Variants in ASPRV1 observed in about 807,000 individuals in gnomAD.
ASPRV1 encodes retroviral-like aspartic protease 1.
A neutral mutation model predicts 11.0 loss-of-function variants in ASPRV1; 7 were observed. The ratio of observed to expected loss-of-function variants is 0.64; its 90% confidence interval spans 0.36 to 1.20. The LOEUF (loss-of-function observed/expected upper bound fraction) is 1.20, where lower values mean the gene tolerates loss of function less well. Among genes scored for constraint, ASPRV1 ranks in the 50% most tolerant of loss-of-function variants. The probability of loss-of-function intolerance (pLI) is 0.02; values close to 1 mark genes in which losing one functional copy is unlikely to be tolerated. For missense variants in ASPRV1, 299 were observed against 320.0 expected (o/e 0.93, Z 0.50); for synonymous variants, 136 against 138.4 (o/e 0.98, Z 0.12).
At chr2:69,965,447 A>AC (rs1343086769), upstream of ASPRV1, among the ~76,000 whole-genome samples, 26 of 149,270 alleles carry the variant, frequency 1.7e-4, no homozygotes, top group South Asian at 1.3e-3. Flanking sequence ...GTGGGCTAAA[A>AC]AAAAAACAAA....
chr2:69,961,732 C>T (rs1678125909), upstream of ASPRV1: 6 of 1,513,218 alleles, frequency 4.0e-6, no homozygotes, highest in Middle Eastern at 2.5e-4. Flanking sequence ...CCCCGCCCTC[C>T]TGCCAGCATC....
At chr2:70,030,756 TAC>T in the ASPRV1 span, 1 of 152,088 alleles carries the variant, frequency 6.6e-6, no homozygotes, top group Admixed American at 6.6e-5. Flanking sequence ...GTGTATAAGA[TAC>T]AGAGGGGACA....
the ASPRV1 span, among the ~76,000 whole-genome samples, chr2:70,019,944 T>C: frequency 6.6e-6 from 1 of 152,156 alleles, no homozygotes; most frequent in Non-Finnish European, 1.5e-5. Flanking sequence ...TATGAGGCAA[T>C]GCATATGTTC....
the ASPRV1 span, among the ~76,000 whole-genome samples, chr2:69,977,736 T>G: frequency 2.0e-5 from 3 of 152,296 alleles, no homozygotes; most frequent in Non-Finnish European, 4.4e-5. Flanking sequence ...CAGCTAAGAT[T>G]TGGATACAGA....
chr2:69,933,518 C>T, the ASPRV1 span, among the ~76,000 whole-genome samples: 1 of 152,060 alleles, frequency 6.6e-6, no homozygotes, highest in Non-Finnish European at 1.5e-5. Context: ...ATAGTAAAGC[C>T]CTTGTGCTAT....
At chr2:69,958,056 C>A (rs901308261), downstream of ASPRV1, among the ~76,000 whole-genome samples, 4 of 152,194 alleles carry the variant, frequency 2.6e-5, no homozygotes, top group African/African-American at 9.6e-5. Flanking sequence ...AGACAGCAAG[C>A]CCTCTGTGGT....
the ASPRV1 span, among the ~76,000 whole-genome samples, chr2:69,933,210 A>C: frequency 1.3e-5 from 2 of 151,038 alleles, no homozygotes; most frequent in South Asian, 2.1e-4. Flanking sequence ...CAAAAAAAAA[A>C]AAAAAAAAAA....
the ASPRV1 span, among the ~76,000 whole-genome samples, chr2:70,069,694 A>G: frequency 1.3e-5 from 2 of 152,150 alleles, no homozygotes; most frequent in Non-Finnish European, 2.9e-5. Flanking sequence ...CTGTCTCACT[A>G]AAAAGTTTCT....
the ASPRV1 span, chr2:70,081,492 T>TC: frequency 7.5e-6 from 1 of 133,588 alleles, no homozygotes; most frequent in African/African-American, 3.6e-5. Context: ...AGACTCCATC[T>TC]TAAAAAAAAA....
At chr2:69,976,856 C>T in the ASPRV1 span, among the ~76,000 whole-genome samples, 1 of 152,048 alleles carries the variant, frequency 6.6e-6, no homozygotes, top group Non-Finnish European at 1.5e-5. Context: ...ACAGAGTGCC[C>T]CTGACAAAAC....
the ASPRV1 span, among the ~76,000 whole-genome samples, chr2:70,034,032 T>C: frequency 6.6e-6 from 1 of 151,288 alleles, no homozygotes; most frequent in East Asian, 2.0e-4. Context: ...TGGGCGCCTG[T>C]AGTCCCAGCT....
rs768942353 is a variant in ASPRV1 at position 69,960,737 on chromosome 2, A to G, written c.700T>C (p.Ser234Pro). 1 of 1,613,666 alleles carries G rather than the reference A, an allele frequency of 6.2e-7. No individual in the cohort carries two copies. The highest frequency in any genetic ancestry group is 8.5e-7 in the Non-Finnish European group (1 of 1,179,908). ...TCCAGGTCAAACTCATCTTCCAGGG[A>G]CCCTCCCACAGGCAGAAGGCGAAAC... The part of the protein sequence containing the change: ...KKFRLLPVGG[S>P]LEDEFDLELI... Residue 234 changes from serine (S) to proline (P), a missense_variant, in exon 1 of 1, where the codon TCC (serine) becomes CCC (proline). Coordinates refer to ENST00000320256, the MANE Select transcript of ASPRV1 (RefSeq NM_152792.4).
the ASPRV1 span, among the ~76,000 whole-genome samples, chr2:69,947,421 C>T: frequency 1.3e-5 from 2 of 152,174 alleles, no homozygotes; most frequent in East Asian, 3.9e-4. Context: ...TCATCTTTCT[C>T]TTCTCCCTTT....
the ASPRV1 span, among the ~76,000 whole-genome samples, chr2:69,933,200 C>CAAAAAAAAAAAAAAAAAAAAAAA: frequency 1.2e-5 from 1 of 80,144 alleles, no homozygotes; most frequent in Non-Finnish European, 2.5e-5. Flanking sequence ...AACTCTGTCT[C>CAAAAAAAAAAAAAAAAAAAAAAA]AAAAAAAAAA....
the ASPRV1 span, among the ~76,000 whole-genome samples, chr2:69,967,111 T>G: frequency 6.6e-6 from 1 of 152,204 alleles, no homozygotes; most frequent in African/African-American, 2.4e-5. Flanking sequence ...TAGACAGGAA[T>G]GGACAATGCC....
At chr2:70,029,623 G>A in the ASPRV1 span, among the ~76,000 whole-genome samples, 1 of 152,166 alleles carries the variant, frequency 6.6e-6, no homozygotes, top group South Asian at 2.1e-4. Flanking sequence ...TGGTGACAGA[G>A]CAAGACTCCG....
At chr2:69,945,230 C>T in the ASPRV1 span, among the ~76,000 whole-genome samples, 1 of 151,886 alleles carries the variant, frequency 6.6e-6, no homozygotes, top group African/African-American at 2.4e-5. Context: ...CAGAGAGAGA[C>T]CCTGTCTCAA....
the ASPRV1 span, among the ~76,000 whole-genome samples, chr2:70,043,082 T>C: frequency 6.6e-6 from 1 of 152,254 alleles, no homozygotes; most frequent in East Asian, 1.9e-4. Flanking sequence ...TAAAGGCAGT[T>C]AGAGAACACT....
At chr2:70,025,488 T>C in the ASPRV1 span, among the ~76,000 whole-genome samples, 1 of 152,142 alleles carries the variant, frequency 6.6e-6, no homozygotes, top group South Asian at 2.1e-4. Flanking sequence ...GTACCCAACA[T>C]TGCTGTGGTC....
Sources: allele counts gnomAD v4.1 joint callset (sites outside exome capture counted in the v4.1 genomes callset), GRCh38; gene constraint gnomAD v4.1.1; transcripts MANE v1.5; gene names NCBI Gene and HGNC (gene_info 2026-07-23, HGNC 2026-07-21).